The following NEMP2 variants were observed in gnomAD, a reference collection of about 807,000 sequenced individuals.
NEMP2 encodes the protein nuclear envelope integral membrane protein 2.
Under a neutral mutation model 54.2 loss-of-function variants are expected in NEMP2, and 53 were observed. The observed-to-expected ratio is 0.98, with a 90% confidence interval of 0.78 to 1.23. The LOEUF (loss-of-function observed/expected upper bound fraction) is 1.23, where lower values mean the gene tolerates loss of function less well. Ranked by LOEUF, NEMP2 falls within the 50% of genes most tolerant of loss-of-function variation. NEMP2 has a pLI of 0.00. For missense variants in NEMP2, 455 were observed against 511.3 expected (o/e 0.89, Z 1.06); for synonymous variants, 197 against 190.3 (o/e 1.04, Z -0.29).
the NEMP2 span, among the ~76,000 whole-genome samples, chr2:190,617,955 C>T: frequency 6.6e-6 from 1 of 152,150 alleles, no homozygotes; most frequent in African/African-American, 2.4e-5. The surrounding 1 kb of genome is among the most constrained non-coding windows in gnomAD (Gnocchi z 5.0). Flanking sequence ...TTTACTATGA[C>T]ATTAGCTACT....
At chr2:190,439,465 TGTTAG>T in the NEMP2 span, among the ~76,000 whole-genome samples, 1 of 152,142 alleles carries the variant, frequency 6.6e-6, no homozygotes, top group Non-Finnish European at 1.5e-5. This position sits in a 1 kb window ranked among gnomAD's most constrained non-coding sequence, Gnocchi z 5.8. Flanking sequence ...TCAAAGGAAT[TGTTAG>T]GTTATTTCCA....
the NEMP2 span, among the ~76,000 whole-genome samples, chr2:190,493,617 T>C: frequency 6.6e-6 from 1 of 152,164 alleles, no homozygotes; most frequent in Non-Finnish European, 1.5e-5. Context: ...GACTATATGA[T>C]AGGCCATAAA....
the NEMP2 span, chr2:190,453,963 T>C: frequency 6.6e-6 from 1 of 152,242 alleles, no homozygotes; most frequent in Admixed American, 6.5e-5. Flanking sequence ...AACTGGAATA[T>C]ATTTCACAGA....
the NEMP2 span, among the ~76,000 whole-genome samples, chr2:190,542,023 G>T: frequency 6.6e-6 from 1 of 151,942 alleles, no homozygotes. This position sits in a 1 kb window ranked among gnomAD's most constrained non-coding sequence, Gnocchi z 4.6. Flanking sequence ...TCTCTTTGTC[G>T]TCTGAGTTTG....
chr2:190,593,499 C>A, the NEMP2 span, among the ~76,000 whole-genome samples: 199 of 152,286 alleles, frequency 1.3e-3, no homozygotes, highest in Non-Finnish European at 1.8e-3. The surrounding 1 kb of genome is among the most constrained non-coding windows in gnomAD (Gnocchi z 4.5). Context: ...GAAGAGTCTT[C>A]TCTCTTGTGG....
chr2:190,510,532 A>G lies in NEMP2; in HGVS notation c.959T>C (p.Met320Thr), dbSNP rs896161226. ...CTCTTTTGATGTAAACCACTGCTCC[A>G]TTTTCCTAAAACATGGCATGTGGTT... Reference protein sequence around the residue: ...LRACSYMRWKMEQWFTSKELV... With the variant: ...LRACSYMRWKTEQWFTSKELV... Residue 320 changes from methionine to threonine, a missense_variant, in exon 8 of 9, where the codon ATG becomes ACG. This residue lies in a region of NEMP2 where 294 missense variants were observed against 333.6 expected (regional missense o/e 0.88). Transcript: ENST00000409150. The surrounding 1 kb of genome is among the most constrained non-coding windows in gnomAD (Gnocchi z 5.7). The G allele has an allele frequency of 1.5e-5, 23 of 1,551,656 alleles. No homozygotes were observed. Among genetic ancestry groups the G allele is most frequent in the Admixed American group, 9.8e-5 (5 of 50,950 alleles).
chr2:190,496,703 T>C, the NEMP2 span, among the ~76,000 whole-genome samples: 1 of 152,066 alleles, frequency 6.6e-6, no homozygotes, highest in East Asian at 1.9e-4. This position sits in a 1 kb window ranked among gnomAD's most constrained non-coding sequence, Gnocchi z 4.7. Context: ...CACATATACA[T>C]ACATACACAA....
the NEMP2 span, among the ~76,000 whole-genome samples, chr2:190,452,353 A>G: frequency 1.3e-5 from 2 of 152,224 alleles, no homozygotes; most frequent in Non-Finnish European, 2.9e-5. Flanking sequence ...TAGTAATTAT[A>G]CTACCATTTG....
At position 190,529,608 on chromosome 2, in the gene NEMP2, T is replaced by C. The variant is rs4073872; in HGVS notation, c.98-4230A>G. ...TATTAGCTTATACTCTGTCTCTCCA[T>C]GAAGTCAGGGACATTGCATGTTTAT... On this transcript the variant is annotated intron_variant, in intron 1 of 8. Transcript: ENST00000409150. The surrounding 1 kb of genome is among the most constrained non-coding windows in gnomAD (Gnocchi z 4.7). Among the ~76,000 whole-genome samples the C allele has an allele frequency of 6.6e-6, 1 of 152,196 alleles. No individual in the cohort carries two copies. Among genetic ancestry groups the C allele is most frequent in the African/African-American group, 2.4e-5 (1 of 41,422 alleles).
chr2:190,459,671 T>C, the NEMP2 span, among the ~76,000 whole-genome samples: 1 of 152,188 alleles, frequency 6.6e-6, no homozygotes, highest in South Asian at 2.1e-4. This position sits in a 1 kb window ranked among gnomAD's most constrained non-coding sequence, Gnocchi z 5.3. Flanking sequence ...TGGAGAGATA[T>C]AAACATGGTC....
chr2:190,515,490 G>C (rs1472859926), intron 6 of NEMP2, among the ~76,000 whole-genome samples: 1 of 152,156 alleles, frequency 6.6e-6, no homozygotes, highest in Non-Finnish European at 1.5e-5. Flanking sequence ...CTGGGTAATA[G>C]ATGATTTTAT....
At chr2:190,623,482 GCA>G in the NEMP2 span, among the ~76,000 whole-genome samples, 4 of 152,118 alleles carry the variant, frequency 2.6e-5, no homozygotes, top group East Asian at 7.7e-4. Flanking sequence ...CTGACCAATG[GCA>G]CAGAGTAGAG....
chr2:190,443,339 G>T, the NEMP2 span, among the ~76,000 whole-genome samples: 2 of 152,094 alleles, frequency 1.3e-5, no homozygotes, highest in South Asian at 4.1e-4. The surrounding 1 kb of genome is among the most constrained non-coding windows in gnomAD (Gnocchi z 4.2). Context: ...CTATAAATAG[G>T]GATATTATTA....
At chr2:190,636,656 C>T in the NEMP2 span, among the ~76,000 whole-genome samples, 14 of 152,178 alleles carry the variant, frequency 9.2e-5, no homozygotes, top group Admixed American at 8.5e-4. Flanking sequence ...GAATATCTAC[C>T]CCAGGGGCTT....
chr2:190,530,285 T>C lies in NEMP2; in HGVS notation c.97+4274A>G, dbSNP rs1008662317. On this transcript the variant is annotated intron_variant, in intron 1 of 8. Transcript: ENST00000409150. The surrounding 1 kb of genome is among the most constrained non-coding windows in gnomAD (Gnocchi z 4.6). ...TGGCCTCTGGCTTTTGAGGTGAAGC[T>C]GATGTGGAATTTACACAATCCATGA... Among the ~76,000 whole-genome samples, 41 of 152,318 alleles carry C rather than the reference T, an allele frequency of 2.7e-4. No homozygotes were observed. Among genetic ancestry groups the C allele is most frequent in the Non-Finnish European group, 4.3e-4 (29 of 68,028 alleles).
At chr2:190,607,521 G>A in the NEMP2 span, 1 of 152,164 alleles carries the variant, frequency 6.6e-6, no homozygotes, top group Non-Finnish European at 1.5e-5. This position sits in a 1 kb window ranked among gnomAD's most constrained non-coding sequence, Gnocchi z 5.2. Flanking sequence ...AAATGCTACA[G>A]TCTAGCCCCT....
chr2:190,493,704 TCAACTC>T, the NEMP2 span, among the ~76,000 whole-genome samples: 1 of 152,130 alleles, frequency 6.6e-6, no homozygotes, highest in Non-Finnish European at 1.5e-5. Context: ...AAACTGGAAA[TCAACTC>T]CAAAAGGAAC....
the NEMP2 span, chr2:190,628,147 T>C: frequency 6.6e-6 from 1 of 152,338 alleles, no homozygotes; most frequent in Non-Finnish European, 1.5e-5. The surrounding 1 kb of genome is among the most constrained non-coding windows in gnomAD (Gnocchi z 4.1). Flanking sequence ...CCGAGTGACT[T>C]TGGACTGGCT....
At chr2:190,443,854 A>C in the NEMP2 span, among the ~76,000 whole-genome samples, 1 of 152,174 alleles carries the variant, frequency 6.6e-6, no homozygotes, top group Non-Finnish European at 1.5e-5. The surrounding 1 kb of genome is among the most constrained non-coding windows in gnomAD (Gnocchi z 4.2). Context: ...CAGGAGTTCG[A>C]GATCAGCCTG....
Sources: allele counts gnomAD v4.1 joint callset (sites outside exome capture counted in the v4.1 genomes callset), GRCh38; gene constraint gnomAD v4.1.1; regional missense constraint gnomAD v4.1.1; non-coding constraint Gnocchi (gnomAD v3.1); transcripts MANE v1.5; gene names NCBI Gene and HGNC (gene_info 2026-07-23, HGNC 2026-07-21).